The following ARHGEF4 variants were observed in gnomAD, a reference collection of about 807,000 sequenced individuals.
ARHGEF4 encodes the protein Rho guanine nucleotide exchange factor 4, also known as APC-stimulated guanine nucleotide exchange factor 1.
Under a neutral mutation model 162.0 loss-of-function variants are expected in ARHGEF4, and 119 were observed. The ratio of observed to expected loss-of-function variants is 0.73; its 90% confidence interval spans 0.63 to 0.86. ARHGEF4 has a LOEUF of 0.86. ARHGEF4 is among the 40% of genes least tolerant of loss of function. The probability of loss-of-function intolerance (pLI) is 0.00; values close to 1 mark genes in which losing one functional copy is unlikely to be tolerated. For synonymous variants in ARHGEF4, 1,014 were observed against 979.9 expected (o/e 1.03, Z -0.65); for missense variants, 2,488 against 2,456.0 (o/e 1.01, Z -0.28).
At chr2:130,871,889 T>TC (rs1678510942) in intron 1 of ARHGEF4, among the ~76,000 whole-genome samples, 1 of 152,222 alleles carries the variant, frequency 6.6e-6, no homozygotes, top group Admixed American at 6.5e-5. Flanking sequence ...GGTTAATTCT[T>TC]CCCCCCAAAT....
At position 131,044,342 on chromosome 2, in the gene ARHGEF4, A is replaced by T. The variant is rs1468323773; in HGVS notation, c.5201A>T (p.Asp1734Val). ...GTGTTGTACTACAAGGGCCGGCTGG[A>T]CATGGACGGCCTGGAGGTGGTGGAC... Reference protein sequence around the residue: ...RDVLYYKGRLDMDGLEVVDLE... With the variant: ...RDVLYYKGRLVMDGLEVVDLE... The change falls in exon 12 of 14, where the codon GAC becomes GTC. Residue 1734 changes from aspartate to valine, a missense_variant. By Grantham distance (152) the Asp-to-Val change is radical. This residue lies in a region of ARHGEF4 where 415 missense variants were observed against 512.4 expected (regional missense o/e 0.81). Transcript: ENST00000409359. The T allele has an allele frequency of 6.2e-7, 1 of 1,608,606 alleles. No individual in the cohort carries two copies. Among genetic ancestry groups the T allele is most frequent in the Non-Finnish European group, 8.5e-7 (1 of 1,178,018 alleles).
chr2:131,043,695 A>G, intron 11 of ARHGEF4, 112 bp downstream of exon 11: 3 of 1,499,884 alleles, frequency 2.0e-6, no homozygotes, highest in South Asian at 2.4e-5. Flanking sequence ...ATACCCGGGG[A>G]GCCTGGCCAG....
intron 4 of ARHGEF4, among the ~76,000 whole-genome samples, chr2:130,974,870 A>T (rs986963037): frequency 2.0e-5 from 3 of 152,212 alleles, no homozygotes; most frequent in Admixed American, 1.3e-4. Flanking sequence ...CTGCCATCTG[A>T]GTAGATTCCA....
At chr2:130,992,542 C>T (rs903161675) in intron 4 of ARHGEF4, among the ~76,000 whole-genome samples, 7 of 151,968 alleles carry the variant, frequency 4.6e-5, no homozygotes, top group African/African-American at 9.7e-5. Context: ...GACCACGAAC[C>T]GGGCGGGAAC....
chr2:130,877,594 G>A (rs76273883), intron 1 of ARHGEF4, among the ~76,000 whole-genome samples: 1 of 152,092 alleles, frequency 6.6e-6, no homozygotes, highest in Non-Finnish European at 1.5e-5. Flanking sequence ...AGGCTGCAGT[G>A]AGCTATGATG....
intron 4 of ARHGEF4, among the ~76,000 whole-genome samples, chr2:130,988,543 T>C (rs1019620081): frequency 2.6e-5 from 4 of 152,230 alleles, no homozygotes; most frequent in Non-Finnish European, 5.9e-5. Context: ...ACAATTGCTA[T>C]GAACATTTTG....
intron 6 of ARHGEF4, chr2:131,039,399 C>A: frequency 9.5e-7 from 1 of 1,057,058 alleles, no homozygotes; most frequent in East Asian, 7.9e-5. Flanking sequence ...ATGACTTACA[C>A]CTGAAGAAGT....
At chr2:130,992,799 A>G (rs1328941518) in intron 4 of ARHGEF4, among the ~76,000 whole-genome samples, 1 of 152,230 alleles carries the variant, frequency 6.6e-6, no homozygotes, top group Non-Finnish European at 1.5e-5. Context: ...AAGTACAGAC[A>G]TCGGCCAGGT....
intron 1 of ARHGEF4, among the ~76,000 whole-genome samples, chr2:130,838,115 C>T (rs1270028890): frequency 6.6e-6 from 1 of 152,238 alleles, no homozygotes; most frequent in Non-Finnish European, 1.5e-5. Flanking sequence ...GGCAGCCTTT[C>T]AGGAACCTGT....
intron 5 of ARHGEF4, among the ~76,000 whole-genome samples, chr2:131,029,094 C>T (rs1689666748): frequency 6.6e-6 from 1 of 151,530 alleles, no homozygotes; most frequent in Non-Finnish European, 1.5e-5. Flanking sequence ...GGCATGGTGG[C>T]TCACGCCTAT....
chr2:130,938,173 C>G (rs1683077997), intron 3 of ARHGEF4, among the ~76,000 whole-genome samples: 1 of 152,074 alleles, frequency 6.6e-6, no homozygotes, highest in South Asian at 2.1e-4. Flanking sequence ...TTTCATTTCT[C>G]TAGGGTAAAT....
chr2:131,035,036 G>T, intron 5 of ARHGEF4: 4 of 991,164 alleles, frequency 4.0e-6, no homozygotes, highest in Non-Finnish European at 3.6e-6. Context: ...GCGGGCCACC[G>T]GCTCGGCCCT....
At chr2:130,923,228 G>T (rs1682001862) in intron 2 of ARHGEF4, among the ~76,000 whole-genome samples, 1 of 152,132 alleles carries the variant, frequency 6.6e-6, no homozygotes, top group South Asian at 2.1e-4. Context: ...TCGCGCCTGG[G>T]CATAATGATA....
At chr2:131,043,388 G>C in intron 10 of ARHGEF4, 64 bp from the exon 11 acceptor site, 1 of 1,602,514 alleles carries the variant, frequency 6.2e-7, no homozygotes, top group Non-Finnish European at 8.5e-7. Context: ...CCCATGATGG[G>C]GGCAGGAAGT....
chr2:130,932,025 G>A (rs753579838), intron 3 of ARHGEF4, among the ~76,000 whole-genome samples: 10 of 152,038 alleles, frequency 6.6e-5, no homozygotes, highest in Non-Finnish European at 1.3e-4. Flanking sequence ...CCAGCTCCAA[G>A]GCATTTTCAT....
At chr2:130,996,827 T>G (rs1056568420) in intron 4 of ARHGEF4, among the ~76,000 whole-genome samples, 1 of 152,212 alleles carries the variant, frequency 6.6e-6, no homozygotes, top group East Asian at 1.9e-4. Context: ...ACTTTGTAAT[T>G]TTCTTCAAGT....
At chr2:130,958,528 A>G (rs1386367270) in intron 4 of ARHGEF4, among the ~76,000 whole-genome samples, 2 of 149,618 alleles carry the variant, frequency 1.3e-5, no homozygotes, top group Admixed American at 1.3e-4. Context: ...TCCCACCTCA[A>G]CCTCCCAAGT....
In ARHGEF4 at chr2:130,916,307, G is replaced by A. The variant is rs754134235; in HGVS notation, c.2361G>A (p.Glu787=). 2.6e-6 allele frequency: 4 copies of A among 1,542,228 alleles called. No individual in the cohort carries two copies. Among genetic ancestry groups the A allele is most frequent in the Non-Finnish European group, 2.6e-6 (3 of 1,144,792 alleles). Residue 787 remains glutamate, a synonymous_variant, in exon 2 of 14, where the codon GAG becomes GAA. Transcript: ENST00000409359. ...PPRGLRKGAQ[E]PGKRPTFSKV... is the part of the protein sequence containing the mutation. ...GCGGGCTCCGCAAGGGCGCGCAGGAGCCTGGGAAGCGCCCGACGTTTTCCA... is the reference window on the plus strand; with the variant it reads ...GCGGGCTCCGCAAGGGCGCGCAGGAACCTGGGAAGCGCCCGACGTTTTCCA...
chr2:130,850,780 A>G (rs1681354968), intron 1 of ARHGEF4, among the ~76,000 whole-genome samples: 1 of 152,222 alleles, frequency 6.6e-6, no homozygotes, highest in Non-Finnish European at 1.5e-5. Flanking sequence ...CCACACGGGA[A>G]GGGGAAGCAG....
Sources: allele counts gnomAD v4.1 joint callset (sites outside exome capture counted in the v4.1 genomes callset), GRCh38; gene constraint gnomAD v4.1.1; regional missense constraint gnomAD v4.1.1; transcripts MANE v1.5; gene names NCBI Gene and HGNC (gene_info 2026-07-23, HGNC 2026-07-21).